Variants in CDC42BPA observed in about 807,000 individuals in gnomAD.
CDC42BPA encodes the protein serine/threonine-protein kinase MRCK alpha.
CDC42BPA carries 80 observed loss-of-function variants against 223.5 expected under a neutral mutation model. The ratio of observed to expected loss-of-function variants is 0.36; its 90% CI spans 0.30 to 0.43. The LOEUF is 0.43. Among genes scored for constraint, CDC42BPA ranks in the 20% least tolerant of loss-of-function variants. CDC42BPA has a pLI of 1.00. For synonymous variants in CDC42BPA, 694 were observed against 718.6 expected (o/e 0.97, Z 0.55); for missense variants, 1,743 against 2,099.9 (o/e 0.83, Z 3.32).
rs73096901 is a variant in CDC42BPA at position 227,094,750 on chromosome 1, T to C, written c.2250-2759A>G. 4.7e-3 allele frequency among the ~76,000 whole-genome samples: 722 copies of C among 152,364 alleles called. 8 individuals are homozygous for C. The highest frequency in any genetic ancestry group is 0.016 in the African/African-American group (682 of 41,592). ...TTGACTCAATATTCAGGTGTAGTTT[T>C]TCACTGCTAGGCTGAGTAATTGAAG... is the stretch of plus-strand genomic sequence containing the variant. On this transcript the variant is annotated intron_variant, in intron 15 of 36. Transcript: ENST00000366766.
intron 2 of CDC42BPA, chr1:227,234,252 G>A (rs1161005565): frequency 6.6e-6 from 1 of 152,138 alleles, no homozygotes; most frequent in Admixed American, 6.6e-5. Flanking sequence ...AAACTGTTGA[G>A]TCTCCATAAT....
chr1:227,074,170 C>A, intron 18 of CDC42BPA, 89 bp downstream of exon 18: 1 of 1,317,452 alleles, frequency 7.6e-7, no homozygotes. Flanking sequence ...TCTAAACAAA[C>A]TGATATAAGT....
chr1:227,293,978 A>T (rs1376691228), intron 1 of CDC42BPA, among the ~76,000 whole-genome samples: 1 of 152,098 alleles, frequency 6.6e-6, no homozygotes, highest in South Asian at 2.1e-4. Flanking sequence ...TTAAATGTTT[A>T]AAAAAATTTT....
intron 5 of CDC42BPA, among the ~76,000 whole-genome samples, chr1:227,172,554 A>G (rs1666270204): frequency 6.6e-6 from 1 of 152,180 alleles, no homozygotes; most frequent in South Asian, 2.1e-4. Flanking sequence ...CAAATTCAGC[A>G]AATGAGAAAA....
intron 1 of CDC42BPA, among the ~76,000 whole-genome samples, chr1:227,304,708 A>C (rs1692259062): frequency 6.6e-6 from 1 of 152,226 alleles, no homozygotes; most frequent in South Asian, 2.1e-4. Flanking sequence ...CCAATATGTG[A>C]AAAGTCATGA....
At chr1:227,122,681 A>G (rs1688857474) in intron 11 of CDC42BPA, among the ~76,000 whole-genome samples, 1 of 152,246 alleles carries the variant, frequency 6.6e-6, no homozygotes, top group Non-Finnish European at 1.5e-5. Context: ...GTACTAGATT[A>G]AGAAGTGTTG....
chr1:227,127,780 C>G (rs1656145403), intron 11 of CDC42BPA, among the ~76,000 whole-genome samples: 1 of 152,134 alleles, frequency 6.6e-6, no homozygotes, highest in Non-Finnish European at 1.5e-5. Flanking sequence ...AAATTATGCT[C>G]AAAACTAAGA....
intron 2 of CDC42BPA, among the ~76,000 whole-genome samples, chr1:227,245,731 C>T (rs1303835319): frequency 1.3e-5 from 2 of 152,320 alleles, no homozygotes; most frequent in Non-Finnish European, 2.9e-5. Flanking sequence ...AACCGGCTGC[C>T]TTGAAGAGAA....
intron 14 of CDC42BPA, among the ~76,000 whole-genome samples, chr1:227,110,767 C>T (rs911524856): frequency 2.6e-5 from 4 of 152,098 alleles, no homozygotes; most frequent in African/African-American, 7.2e-5. Flanking sequence ...ATCTCTACTT[C>T]GTAAAGCTAA....
At chr1:227,023,436 TA>T in intron 31 of CDC42BPA, 89 bp from the exon 32 acceptor site, 1 of 599,314 alleles carries the variant, frequency 1.7e-6, no homozygotes, top group East Asian at 3.0e-5. Flanking sequence ...CACACCTTAT[TA>T]AGACTTCTCA....
chr1:227,169,016 T>C (rs1665641772), intron 5 of CDC42BPA, among the ~76,000 whole-genome samples: 1 of 152,202 alleles, frequency 6.6e-6, no homozygotes, highest in Non-Finnish European at 1.5e-5. Context: ...TTCTGGCTTA[T>C]TTAACTTCAA....
rs368342278 is a variant in CDC42BPA at position 227,247,186 on chromosome 1, C to T, written c.270+6878G>A. ...CTGCACTCTAGCCTGGGCAACAGAG[C>T]GAGACTTTGTCTCAAAAAAAAGCTA... On this transcript the variant is annotated intron_variant, in intron 2 of 36. Transcript: ENST00000366766. 1.0e-4 allele frequency among the ~76,000 whole-genome samples: 15 copies of T among 147,604 alleles called. No homozygotes were observed. In the South Asian group the frequency reaches 1.3e-3, roughly 13 times the overall value.
chr1:227,150,543 C>T (rs990296966), intron 6 of CDC42BPA, among the ~76,000 whole-genome samples: 25 of 152,138 alleles, frequency 1.6e-4, no homozygotes, highest in African/African-American at 6.0e-4. Context: ...TAAACTATCG[C>T]TAACATTTCC....
intron 1 of CDC42BPA, among the ~76,000 whole-genome samples, chr1:227,314,575 A>G (rs747732992): frequency 8.5e-5 from 13 of 152,088 alleles, no homozygotes; most frequent in Non-Finnish European, 1.5e-4. Context: ...AATGAAATTG[A>G]TAGAAATGAA....
intron 2 of CDC42BPA, among the ~76,000 whole-genome samples, chr1:227,224,149 T>C (rs1218071547): frequency 6.6e-6 from 1 of 152,166 alleles, no homozygotes; most frequent in Non-Finnish European, 1.5e-5. Flanking sequence ...TTATTAATAG[T>C]TTATAGGACT....
intron 35 of CDC42BPA, among the ~76,000 whole-genome samples, chr1:227,003,392 C>T (rs1322011559): frequency 6.6e-6 from 1 of 152,148 alleles, no homozygotes; most frequent in African/African-American, 2.4e-5. Flanking sequence ...CAAGCAAGTA[C>T]CATGCTCCCG....
At chr1:227,153,054 CA>C (rs1357279926) in intron 6 of CDC42BPA, among the ~76,000 whole-genome samples, 1 of 151,616 alleles carries the variant, frequency 6.6e-6, no homozygotes, top group African/African-American at 2.4e-5. Flanking sequence ...AGCAAAGCTA[CA>C]AAAGAGCTGT....
intron 27 of CDC42BPA, among the ~76,000 whole-genome samples, chr1:227,032,853 A>G (rs895047845): frequency 1.3e-5 from 2 of 152,252 alleles, no homozygotes; most frequent in Admixed American, 1.3e-4. Flanking sequence ...GAATGCAGTC[A>G]CATCAGTGAC....
At chr1:227,002,655 T>C (rs1201679964) in intron 35 of CDC42BPA, among the ~76,000 whole-genome samples, 1 of 152,210 alleles carries the variant, frequency 6.6e-6, no homozygotes, top group Non-Finnish European at 1.5e-5. Flanking sequence ...CTCTGATCAC[T>C]TGCCCTGGAG....
Sources: allele counts gnomAD v4.1 joint callset (sites outside exome capture counted in the v4.1 genomes callset), GRCh38; gene constraint gnomAD v4.1.1; transcripts MANE v1.5; gene names NCBI Gene and HGNC (gene_info 2026-07-23, HGNC 2026-07-21).